Variants in VPS13D observed in about 807,000 individuals in gnomAD.
VPS13D encodes the protein intermembrane lipid transfer protein VPS13D.
In VPS13D, 187 loss-of-function variants were observed where a neutral mutation model predicts 461.9. The observed-to-expected ratio is 0.40, with a 90% CI of 0.36 to 0.46. The LOEUF (loss-of-function observed/expected upper bound fraction) is 0.46, where lower values mean the gene tolerates loss of function less well. Ranked by LOEUF, VPS13D falls within the 20% of genes least tolerant of loss-of-function variation. VPS13D has a pLI of 0.60. For synonymous variants in VPS13D, 1,951 were observed against 1,986.3 expected (o/e 0.98, Z 0.47); for missense variants, 4,711 against 5,364.9 (o/e 0.88, Z 3.81).
At position 12,291,121 on chromosome 1, in the gene VPS13D, T is replaced by C. The variant is rs1157491187; in HGVS notation, c.5849T>C (p.Phe1950Ser). The C allele has an allele frequency of 6.2e-7, 1 of 1,610,068 alleles. No individual in the cohort carries two copies. Among genetic ancestry groups the C allele is most frequent in the Admixed American group, 1.7e-5 (1 of 58,968 alleles). Residue 1950 changes from phenylalanine to serine, a missense_variant, in exon 23 of 70, where the codon TTT becomes TCT. Coordinates refer to ENST00000620676, the MANE Select transcript of VPS13D (RefSeq NM_015378.4). ...SGEEALIFQT[F>S]KYGRPDPLLR... is the part of the protein sequence containing the mutation. ...GAAGAAGCACTCATCTTCCAGACTT[T>C]TAAGTAAAAATGTCAATCTTTTTCT...
intron 25 of VPS13D, 96 bp from the exon 26 acceptor site, chr1:12,304,409 TG>T: frequency 8.8e-7 from 1 of 1,130,398 alleles, no homozygotes; most frequent in Non-Finnish European, 1.3e-6. Context: ...CCCTAGGGAC[TG>T]GGATAGGACT....
In VPS13D at chr1:12,276,582, A is replaced by G. The variant is rs538868489; in HGVS notation, c.2994A>G (p.Leu998=). The change falls in exon 19 of 70, where the codon CTA becomes CTG. Residue 998 remains leucine, a synonymous_variant. Coordinates refer to ENST00000620676, the MANE Select transcript of VPS13D (RefSeq NM_015378.4). This position sits in a 1 kb window ranked among gnomAD's most constrained non-coding sequence, Gnocchi z 4.5. ...GGCCTTATGATGCTGAAGTCTCCCT[A>G]ACTGTTCATGGTTTGCTCCTGGTGG... is the stretch of plus-strand genomic sequence containing the variant. The part of the protein sequence containing the change: ...VKRPYDAEVS[L]TVHGLLLVDT... 3 of 1,614,136 alleles carry G rather than the reference A, an allele frequency of 1.9e-6. No homozygotes were observed. Among genetic ancestry groups the G allele is most frequent in the South Asian group, 2.2e-5 (2 of 91,070 alleles).
chr1:12,490,871 A>C (rs1645871268), intron 67 of VPS13D, among the ~76,000 whole-genome samples: 1 of 152,200 alleles, frequency 6.6e-6, no homozygotes, highest in Admixed American at 6.5e-5. Context: ...GATGCAGCCC[A>C]CGGCATGGTG....
At chr1:12,484,703 C>G (rs537387605) in intron 67 of VPS13D, among the ~76,000 whole-genome samples, 2 of 152,336 alleles carry the variant, frequency 1.3e-5, no homozygotes, top group East Asian at 1.9e-4. Context: ...AGTCTCAATC[C>G]TGGTTTCTTC....
chr1:12,354,011 T>A lies in VPS13D; in HGVS notation c.9469T>A (p.Tyr3157Asn), dbSNP rs780972006. The A allele has an allele frequency of 3.7e-6, 6 of 1,614,208 alleles. No homozygotes were observed. In the Admixed American group the frequency reaches 1.0e-4, roughly 27 times the overall value. ...VAIKKENYPD[Y>N]MPSNIFSDSA... Reference sequence around the variant, plus strand: ...TATAAAGAAAGAGAATTATCCAGATTATATGCCCTCAAACATATTTTCTGA... The same window carrying A: ...TATAAAGAAAGAGAATTATCCAGATAATATGCCCTCAAACATATTTTCTGA... The change falls in exon 47 of 70, where the codon TAT (tyrosine) becomes AAT (asparagine). Residue 3157 changes from tyrosine to asparagine, a missense_variant. Around this residue, in one of 3 missense-constraint regions of VPS13D, gnomAD observed 4,411 missense variants for 4,937.8 expected, o/e 0.89. Coordinates refer to ENST00000620676, the MANE Select transcript of VPS13D (RefSeq NM_015378.4).
At position 12,396,547 on chromosome 1, in the gene VPS13D, TAGACATTTCCAGA is replaced by T. The variant is rs542767084; in HGVS notation, c.11635-3630_11635-3618del. ...ATATGTTCAGGAAACTAGTTCCTGG[TAGACATTTCCAGA>T]AGAAGAATCCAAAGCCCCAGACTGT... On this transcript the variant is annotated intron_variant, in intron 60 of 69. Transcript: ENST00000620676. 1.9e-3 allele frequency among the ~76,000 whole-genome samples: 296 copies of T among 152,314 alleles called. 1 individual carries two copies. The highest frequency in any genetic ancestry group is 3.4e-3 in the Non-Finnish European group (229 of 68,012).
chr1:12,251,140 T>C (rs1020316173), intron 6 of VPS13D, among the ~76,000 whole-genome samples: 38 of 151,340 alleles, frequency 2.5e-4, no homozygotes, highest in African/African-American at 8.0e-4. Context: ...GGTGGAGTAG[T>C]GTAGTTGCAG....
rs1641707782 is a variant in VPS13D at position 12,279,271 on chromosome 1, GTTTC to G, written c.4451-224_4451-221del. 6.6e-6 allele frequency among the ~76,000 whole-genome samples: 1 copy of G among 152,108 alleles called. No individual in the cohort carries two copies. The highest frequency in any genetic ancestry group is 2.1e-4 in the South Asian group (1 of 4,824). ...AAGTGGAGCATGTGATGAAAATATT[GTTTC>G]TTTTTTTGTGTAAATGTATCTTGTA... On this transcript the variant is annotated intron_variant, in intron 19 of 69. Coordinates refer to ENST00000620676, the MANE Select transcript of VPS13D (RefSeq NM_015378.4). This position sits in a 1 kb window ranked among gnomAD's most constrained non-coding sequence, Gnocchi z 4.3.
chr1:12,278,006 A>C lies in VPS13D; in HGVS notation c.4418A>C (p.His1473Pro). The C allele has an allele frequency of 6.2e-7, 1 of 1,613,934 alleles. No homozygotes were observed. Among genetic ancestry groups the C allele is most frequent in the Non-Finnish European group, 8.5e-7 (1 of 1,179,918 alleles). The change falls in exon 19 of 70, where the codon CAT becomes CCT. Residue 1473 changes from histidine (H) to proline (P), a missense_variant. His to Pro is a moderately conservative substitution (Grantham distance 77). Coordinates refer to ENST00000620676, the MANE Select transcript of VPS13D (RefSeq NM_015378.4). ...NSQEEAHFTR[H>P]DFFESLHRGQ... ...CAGGAGGAAGCTCATTTCACACGAC[A>C]TGATTTCTTTGAATCTTTGCATAGA...
In VPS13D at chr1:12,327,775, C is replaced by G. The variant is rs1643229122; in HGVS notation, c.8118C>G (p.Ile2706Met). The G allele has an allele frequency of 6.2e-7, 1 of 1,614,028 alleles. No individual in the cohort carries two copies. Among genetic ancestry groups the G allele is most frequent in the Non-Finnish European group, 8.5e-7 (1 of 1,180,042 alleles). The change falls in exon 36 of 70, where the codon ATC (isoleucine) becomes ATG (methionine). Residue 2706 changes from isoleucine to methionine, a missense_variant. Transcript: ENST00000620676. The stretch of plus-strand genomic sequence containing the variant: ...CGCCATTGATCTCTGGCGTGGAGAT[C>G]AAAGCTGAGAGTGTGTGCATCTGTT... ...VAAPLISGVE[I>M]KAESVCICFI... is the part of the protein sequence containing the mutation.
chr1:12,314,416 C>A (rs1642837722), intron 30 of VPS13D, 89 bp downstream of exon 30: 2 of 1,264,600 alleles, frequency 1.6e-6, no homozygotes, highest in South Asian at 1.3e-5. Context: ...ATCAAAAAAC[C>A]AAGGAATCAC....
chr1:12,266,973 G>A lies in VPS13D; in HGVS notation c.1687G>A (p.Glu563Lys). 1 of 1,610,198 alleles carries A rather than the reference G, an allele frequency of 6.2e-7. No homozygotes were observed. Reference protein sequence around the residue: ...GGLFLRDLATEGTMFPLLVFP... With the variant: ...GGLFLRDLATKGTMFPLLVFP... ...ACTGTTTCTTCGAGACCTGGCTACA[G>A]AAGGAACTATGTTTCCTCTTCTAGT... Residue 563 changes from glutamate to lysine, a missense_variant, in exon 14 of 70, where the codon GAA becomes AAA. By Grantham distance (56) the Glu-to-Lys change is moderately conservative. This residue lies in a region of VPS13D where 4,411 missense variants were observed against 4,937.8 expected (regional missense o/e 0.89). Coordinates refer to ENST00000620676, the MANE Select transcript of VPS13D (RefSeq NM_015378.4).
intron 33 of VPS13D, among the ~76,000 whole-genome samples, 176 bp from the exon 34 acceptor site, chr1:12,322,360 C>G (rs1190221588): frequency 6.6e-6 from 1 of 152,176 alleles, no homozygotes; most frequent in African/African-American, 2.4e-5. Flanking sequence ...GTTGAGACAT[C>G]TTACCTTACG....
In VPS13D at chr1:12,322,857, A is replaced by C. The variant is rs372404999; in HGVS notation, c.7915+111A>C. 6.7e-5 allele frequency: 62 copies of C among 920,400 alleles called. 3 individuals carry two copies. In the Admixed American group the frequency reaches 8.5e-4, roughly 13 times the overall value. The allele number at this position is 920,400 out of a possible 1,614,324, so 57.0% of individuals were successfully genotyped here. On this transcript the variant is annotated intron_variant, in intron 34 of 69. Coordinates refer to ENST00000620676, the MANE Select transcript of VPS13D (RefSeq NM_015378.4). ...ATTGTACACAGTTTAATTGTATGTC[A>C]TTAAGTATAACTGTAAGTCCTAAGT...
At position 12,375,199 on chromosome 1, in the gene VPS13D, T is replaced by C. The variant is rs72868233; in HGVS notation, c.10917+1341T>C. Among the ~76,000 whole-genome samples, 630 of 152,294 alleles carry C rather than the reference T, an allele frequency of 4.1e-3. 5 individuals carry two copies. Among genetic ancestry groups the C allele is most frequent in the African/African-American group, 0.014 (593 of 41,546 alleles). On this transcript the variant is annotated intron_variant, in intron 55 of 69. Coordinates refer to ENST00000620676, the MANE Select transcript of VPS13D (RefSeq NM_015378.4). ...TTTTTCCCTGCACCATTCCTGGAAT[T>C]TGCCATTTCTCCAGGGAGCCCTCAT...
In VPS13D at chr1:12,314,274, C is replaced by A; in HGVS notation, c.7095C>A (p.Pro2365=). Residue 2365 remains proline (P), a synonymous_variant, in exon 30 of 70, where the codon CCC becomes CCA. Coordinates refer to ENST00000620676, the MANE Select transcript of VPS13D (RefSeq NM_015378.4). ...ATGTGTTCAGCTGTATCTTTCAGCC[C>A]GCTAAGAACAGCAGCACCACCCAAG... is the stretch of plus-strand genomic sequence containing the variant. The part of the protein sequence containing the change: ...MTNVFSCIFQ[P]AKNSSTTQGS... 1 of 1,614,164 alleles carries A rather than the reference C, an allele frequency of 6.2e-7. No homozygotes were observed. The highest frequency in any genetic ancestry group is 8.5e-7 in the Non-Finnish European group (1 of 1,180,032).
chr1:12,285,262 T>TTATG (rs1641925889), intron 21 of VPS13D, among the ~76,000 whole-genome samples: 3 of 150,542 alleles, frequency 2.0e-5, no homozygotes, highest in Non-Finnish European at 3.0e-5. Flanking sequence ...GTATTTTATT[T>TTATG]TATGTATTTA....
At chr1:12,280,898 T>A (rs1325178902) in intron 20 of VPS13D, among the ~76,000 whole-genome samples, 1 of 152,066 alleles carries the variant, frequency 6.6e-6, no homozygotes, top group Non-Finnish European at 1.5e-5. Flanking sequence ...AGATAATTAT[T>A]TGAATTCTTT....
At chr1:12,345,223 C>G (rs994291539) in intron 42 of VPS13D, 151 bp from the exon 43 acceptor site, 16 of 814,100 alleles carry the variant, frequency 2.0e-5, no homozygotes, top group Non-Finnish European at 2.8e-5. Context: ...AAACTGTGCT[C>G]CTGATTTCCC....
Sources: allele counts gnomAD v4.1 joint callset (sites outside exome capture counted in the v4.1 genomes callset), GRCh38; gene constraint gnomAD v4.1.1; regional missense constraint gnomAD v4.1.1; non-coding constraint Gnocchi (gnomAD v3.1); transcripts MANE v1.5; gene names NCBI Gene and HGNC (gene_info 2026-07-23, HGNC 2026-07-21).